The following BACE2 variants were observed in gnomAD, a reference collection of about 807,000 sequenced individuals.
BACE2 encodes the protein 56 kDa aspartic-like protease.
Under a neutral mutation model 46.2 loss-of-function variants are expected in BACE2, and 17 were observed. That is an observed-to-expected ratio of 0.37 (90% CI 0.25 to 0.55). The LOEUF (loss-of-function observed/expected upper bound fraction) is 0.55. BACE2 is among the 20% of genes least tolerant of loss of function. BACE2 has a pLI of 0.82. For missense variants in BACE2, 595 were observed against 698.1 expected, an observed-to-expected ratio of 0.85 and a Z score of 1.66; for synonymous variants, 277 against 295.9, an observed-to-expected ratio of 0.94 and a Z score of 0.66.
rs529085076 is a variant in BACE2, at chr21:41,237,674, T to C, written c.563T>C (p.Leu188Ser). Residue 188 changes from leucine to serine, a missense_variant, in exon 3 of 9, where the codon TTG becomes TCG. Transcript: ENST00000330333. ...ATIFESENFF[L>S]PGIKWNGILG... ...ATTTTTGAATCAGAGAATTTCTTTT[T>C]GCCTGGGATTAAATGGAATGGAATA... The C allele has an allele frequency of 6.2e-7, 1 of 1,614,218 alleles. No individual in the cohort carries two copies. Among genetic ancestry groups the C allele is most frequent in the African/African-American group, 1.3e-5 (1 of 75,058 alleles).
At chr21:41,267,061 T>C (rs1353198297) in intron 8 of BACE2, among the ~76,000 whole-genome samples, 1 of 152,088 alleles carries the variant, frequency 6.6e-6, no homozygotes, top group African/African-American at 2.4e-5. Flanking sequence ...GCTCCTTGAT[T>C]AGAATCTCCT....
chr21:41,213,518 T>C (rs539727470), intron 1 of BACE2, among the ~76,000 whole-genome samples: 1 of 152,206 alleles, frequency 6.6e-6, no homozygotes, highest in Non-Finnish European at 1.5e-5. Flanking sequence ...CTCACGCCTG[T>C]AATCGCAGCA....
chr21:41,168,652 G>T, intron 1 of BACE2, 77 bp downstream of exon 1: 1 of 1,162,422 alleles, frequency 8.6e-7, no homozygotes, highest in Non-Finnish European at 1.1e-6. Context: ...GCCTCCACGC[G>T]GCTTAGCGTC....
At chr21:41,255,607 G>A (rs143226862) in intron 7 of BACE2, among the ~76,000 whole-genome samples, 130 of 152,314 alleles carry the variant, frequency 8.5e-4, no homozygotes, top group African/African-American at 2.8e-3. Flanking sequence ...TGGAAGCCTC[G>A]AGGGAGCAGG....
At chr21:41,262,558 TGTTGGGATTTCTATTA>T (rs1405402086) in intron 8 of BACE2, among the ~76,000 whole-genome samples, 2 of 152,158 alleles carry the variant, frequency 1.3e-5, no homozygotes, top group African/African-American at 4.8e-5. Context: ...TGAAAAACCC[TGTTGGGATTTCTATTA>T]GAACTGCATT....
At chr21:41,259,380 A>G (rs1378017397) in intron 8 of BACE2, among the ~76,000 whole-genome samples, 1 of 152,028 alleles carries the variant, frequency 6.6e-6, no homozygotes, top group Non-Finnish European at 1.5e-5. Context: ...TCAGGGCTGC[A>G]ATTAACGGCC....
At chr21:41,184,579 G>A (rs956847297) in intron 1 of BACE2, 3 of 167,086 alleles carry the variant, frequency 1.8e-5, no homozygotes, top group African/African-American at 7.2e-5. Flanking sequence ...GGCTGATATG[G>A]AGCCCCACTC....
At chr21:41,219,653 A>T (rs1403343180) in intron 1 of BACE2, among the ~76,000 whole-genome samples, 1 of 152,198 alleles carries the variant, frequency 6.6e-6, no homozygotes, top group African/African-American at 2.4e-5. Context: ...TCCTTCACTT[A>T]CTTTGACCTG....
At chr21:41,242,039 G>C in intron 4 of BACE2, 92 bp downstream of exon 4, 1 of 1,537,488 alleles carries the variant, frequency 6.5e-7, no homozygotes, top group East Asian at 2.3e-5. Context: ...GAAATATTAG[G>C]CATGTAGGTG....
rs895776446 is a variant in BACE2 at position 41,282,454 on chromosome 21, G to A, written c.*6830G>A. 1 of 152,170 alleles carries A rather than the reference G, an allele frequency of 6.6e-6. No individual in the cohort carries two copies. The highest frequency in any genetic ancestry group is 2.1e-4 in the South Asian group (1 of 4,834). 9.4% of individuals were successfully genotyped at this position (152,170 alleles called of 1,614,324 possible). A position where few individuals can be genotyped will look rare whatever the true frequency, so the allele number is the denominator to read the frequency against. On this transcript the variant is annotated 3_prime_UTR_variant, in exon 9 of 9. Coordinates refer to ENST00000330333, the MANE Select transcript of BACE2 (RefSeq NM_012105.5). ...AATAATCTTATTTTTATACTTGTAT[G>A]TTCCAGCAATTTAAGATATATACCA...
At chr21:41,169,004 C>A (rs865955959) in intron 1 of BACE2, among the ~76,000 whole-genome samples, 3 of 141,496 alleles carry the variant, frequency 2.1e-5, no homozygotes, top group Admixed American at 6.9e-5. Context: ...GCCCCCCCCC[C>A]ACCCCACCAC....
intron 2 of BACE2, among the ~76,000 whole-genome samples, chr21:41,236,469 G>C (rs1035088979): frequency 3.3e-5 from 5 of 152,216 alleles, no homozygotes; most frequent in African/African-American, 1.2e-4. Context: ...CTGATCTTGT[G>C]AATGTCGTTC....
intron 8 of BACE2, 91 bp from the exon 9 acceptor site, chr21:41,275,280 G>A: frequency 6.4e-7 from 1 of 1,563,930 alleles, no homozygotes; most frequent in Non-Finnish European, 8.7e-7. Flanking sequence ...TTTAACTGTG[G>A]TTTAATAAAC....
chr21:41,179,418 G>C, intron 1 of BACE2: 1 of 1,329,784 alleles, frequency 7.5e-7, no homozygotes, highest in South Asian at 1.2e-5. Flanking sequence ...GGGTGAGTGA[G>C]GGTGTCAGGG....
intron 1 of BACE2, among the ~76,000 whole-genome samples, chr21:41,171,382 A>C (rs1984604336): frequency 6.6e-6 from 1 of 152,190 alleles, no homozygotes; most frequent in South Asian, 2.1e-4. Context: ...TTGTTCCCCG[A>C]AGGCTTTAAT....
intron 8 of BACE2, among the ~76,000 whole-genome samples, chr21:41,271,363 T>C (rs2088432274): frequency 6.6e-6 from 1 of 152,188 alleles, no homozygotes; most frequent in African/African-American, 2.4e-5. Flanking sequence ...AGAATAGTTT[T>C]TACATTTTTA....
intron 1 of BACE2, chr21:41,180,942 G>C (rs548075886): frequency 6.0e-6 from 1 of 167,202 alleles, no homozygotes; most frequent in Non-Finnish European, 1.5e-5. Context: ...CCTGATCTCC[G>C]TTGGTGGCTA....
intron 7 of BACE2, among the ~76,000 whole-genome samples, chr21:41,252,175 C>T (rs192409927): frequency 6.4e-4 from 98 of 152,326 alleles, no homozygotes; most frequent in Non-Finnish European, 5.3e-4. Flanking sequence ...GATTTAAATG[C>T]TCAGGGCTCG....
intron 1 of BACE2, among the ~76,000 whole-genome samples, chr21:41,196,954 CTTTTA>C (rs776798138): frequency 3.9e-5 from 6 of 152,078 alleles, no homozygotes; most frequent in African/African-American, 1.2e-4. Flanking sequence ...TCTGGTTTGT[CTTTTA>C]TTTTATTTTA....
Sources: allele counts gnomAD v4.1 joint callset (sites outside exome capture counted in the v4.1 genomes callset), GRCh38; gene constraint gnomAD v4.1.1; transcripts MANE v1.5; gene names NCBI Gene and HGNC (gene_info 2026-07-23, HGNC 2026-07-21).